Variants in TANK observed in about 807,000 individuals in gnomAD.
TANK encodes the protein TRAF family member associated NFKB activator, also known as TRAF family member-associated NF-kappa-B activator.
Under a neutral mutation model 43.6 loss-of-function variants are expected in TANK, and 15 were observed. The observed-to-expected ratio is 0.34, with a 90% CI of 0.23 to 0.53. The LOEUF is 0.53. TANK is among the 20% of genes least tolerant of loss of function. The pLI, the probability that TANK is intolerant of heterozygous loss-of-function variation, is 0.94. For missense variants in TANK, 417 were observed against 498.6 expected (o/e 0.84, Z 1.56); for synonymous variants, 162 against 178.2 (o/e 0.91, Z 0.73).
chr2:161,202,407 T>C (rs1686460909), intron 2 of TANK, among the ~76,000 whole-genome samples: 1 of 151,966 alleles, frequency 6.6e-6, no homozygotes, highest in African/African-American at 2.4e-5. Flanking sequence ...ACCAGGATGG[T>C]CTCAATCTCC....
chr2:161,157,040 T>C (rs1207360891), upstream of TANK, among the ~76,000 whole-genome samples: 2 of 152,062 alleles, frequency 1.3e-5, no homozygotes, highest in Admixed American at 6.6e-5. Flanking sequence ...AAATGGGTCA[T>C]AGAGTGGAGA....
chr2:161,165,154 CAAAG>C (rs201056108), intron 1 of TANK, among the ~76,000 whole-genome samples: 2,307 of 146,918 alleles, frequency 0.016, 22 homozygotes, highest in Non-Finnish European at 0.024. Flanking sequence ...ATTGAGTAGA[CAAAG>C]AAAATTAATA....
intron 1 of TANK, among the ~76,000 whole-genome samples, chr2:161,176,292 T>C (rs1685171085): frequency 6.6e-6 from 1 of 152,180 alleles, no homozygotes; most frequent in South Asian, 2.1e-4. Context: ...ATTAGCTGAG[T>C]CCCAGAGACT....
At chr2:161,209,942 TTAAA>T (rs1444448130) in intron 4 of TANK, among the ~76,000 whole-genome samples, 7 of 152,224 alleles carry the variant, frequency 4.6e-5, no homozygotes, top group Non-Finnish European at 7.4e-5. Context: ...AGTTCACTAA[TTAAA>T]TAGAGTTTAT....
intron 2 of TANK, among the ~76,000 whole-genome samples, chr2:161,188,460 C>T (rs1685766279): frequency 6.6e-6 from 1 of 152,132 alleles, no homozygotes; most frequent in Admixed American, 6.6e-5. Flanking sequence ...ACACTAACTA[C>T]TAAGAATGAA....
At chr2:161,184,074 T>TA (rs1425447445) in intron 2 of TANK, among the ~76,000 whole-genome samples, 5 of 151,806 alleles carry the variant, frequency 3.3e-5, no homozygotes, top group South Asian at 2.1e-4. Flanking sequence ...CACTATATAT[T>TA]AAAAAAAACT....
At chr2:161,199,967 A>T (rs1442902818) in intron 2 of TANK, among the ~76,000 whole-genome samples, 1 of 152,206 alleles carries the variant, frequency 6.6e-6, no homozygotes, top group African/African-American at 2.4e-5. Context: ...ATGCTGGTAG[A>T]CCACTTGTTT....
Position 161,145,694 on chromosome 2 carries a change from G to C in TANK, c.-50+8631G>C, listed in dbSNP as rs186040082. ...TAGAGTTTCTGCTGAGAGGTTCACT[G>C]TTAGTCTGATGGGCTTCCCTTTGTA... On this transcript the variant is annotated intron_variant, in intron 1 of 7. Transcript: ENST00000259075. Among the ~76,000 whole-genome samples, 15 of 152,056 alleles carry C rather than the reference G, an allele frequency of 9.9e-5. 1 individual carries two copies. Among genetic ancestry groups the C allele is most frequent in the African/African-American group, 3.6e-4 (15 of 41,328 alleles).
At chr2:161,157,824 C>T (rs1223978028), upstream of TANK, among the ~76,000 whole-genome samples, 2 of 152,126 alleles carry the variant, frequency 1.3e-5, no homozygotes, top group Non-Finnish European at 2.9e-5. Context: ...GCTGGGATTA[C>T]AGGTGTGCAC....
chr2:161,143,422 C>T (rs752614216), intron 1 of TANK, among the ~76,000 whole-genome samples: 2 of 152,172 alleles, frequency 1.3e-5, no homozygotes, highest in Non-Finnish European at 2.9e-5. Context: ...GAAATGCTTA[C>T]AGCTTTTGCC....
At chr2:161,157,975 C>T (rs1684269805), upstream of TANK, among the ~76,000 whole-genome samples, 1 of 152,288 alleles carries the variant, frequency 6.6e-6, no homozygotes, top group Non-Finnish European at 1.5e-5. Context: ...TGAGCCACTG[C>T]ACCCGTCCAG....
At chr2:161,216,358 T>C in intron 4 of TANK, 4 of 464,596 alleles carry the variant, frequency 8.6e-6, no homozygotes, top group South Asian at 6.3e-5. Flanking sequence ...GAACATTCTC[T>C]CCTGCTTTCT....
intron 4 of TANK, 160 bp downstream of exon 4, chr2:161,204,953 T>C (rs2105347549): frequency 7.1e-7 from 1 of 1,415,148 alleles, no homozygotes; most frequent in African/African-American, 1.5e-5. Flanking sequence ...TATTTTCAAG[T>C]AAAATAAAGG....
chr2:161,234,682 CTATTA>C (rs1688091810), intron 7 of TANK, among the ~76,000 whole-genome samples: 1 of 152,094 alleles, frequency 6.6e-6, no homozygotes. Context: ...GCCAAACTAC[CTATTA>C]TATAACAGAA....
intron 4 of TANK, chr2:161,223,243 A>G (rs1047505587): frequency 3.9e-5 from 6 of 152,086 alleles, no homozygotes; most frequent in African/African-American, 1.2e-4. Flanking sequence ...TTTTTTAAAT[A>G]TTTAAACCAT....
chr2:161,224,842 G>A, intron 6 of TANK, 96 bp downstream of exon 6: 1 of 693,194 alleles, frequency 1.4e-6, no homozygotes, highest in South Asian at 2.6e-5. Flanking sequence ...TATTAAGTGT[G>A]TAGCATCTGT....
chr2:161,137,817 T>C (rs1167215052), intron 1 of TANK: 2 of 151,914 alleles, frequency 1.3e-5, no homozygotes, highest in Non-Finnish European at 2.9e-5. Context: ...CTACTAAAAA[T>C]ACAAAAATTA....
Position 161,203,596 on chromosome 2 carries a change from G to T in TANK, c.208+1G>T. On this transcript the variant is annotated splice_donor_variant, in intron 3 of 7. Transcript: ENST00000392749. LOFTEE classifies it high-confidence loss of function. ...TTACTTCTTGTGAATTCCACTCAAG[G>T]TATGTTCATGTTAATTTTTTATGTA... 6.3e-7 allele frequency: 1 copy of T among 1,580,140 alleles called. No homozygotes were observed. Among genetic ancestry groups the T allele is most frequent in the Non-Finnish European group, 8.7e-7 (1 of 1,155,360 alleles).
At chr2:161,171,358 A>G (rs1238454162) in intron 1 of TANK, among the ~76,000 whole-genome samples, 3 of 152,222 alleles carry the variant, frequency 2.0e-5, no homozygotes, top group Admixed American at 6.5e-5. Flanking sequence ...ATGGCTGAAA[A>G]TGGAGATCCG....
Sources: gnomAD v4.1 joint callset for allele counts (sites outside exome capture counted in the v4.1 genomes callset) on GRCh38, gnomAD v4.1.1 for gene constraint, MANE v1.5 for transcripts, NCBI Gene and HGNC (gene_info 2026-07-23, HGNC 2026-07-21) for gene names.